Variants in MTUS1 observed in about 807,000 individuals in gnomAD.
MTUS1 encodes the protein microtubule associated scaffold protein 1.
MTUS1 carries 109 observed loss-of-function variants against 120.8 expected under a neutral mutation model. That is an observed-to-expected ratio of 0.90 (90% CI 0.77 to 1.06). The LOEUF is 1.06. MTUS1 is among the 50% of genes least tolerant of loss of function. The pLI is 0.00. For missense variants in MTUS1, 2,210 were observed against 1,486.3 expected (o/e 1.49, Z -8.01); for synonymous variants, 737 against 550.5 (o/e 1.34, Z -4.74).
chr8:17,748,263 A>G (rs2047920620), intron 2 of MTUS1: 1 of 152,262 alleles, frequency 6.6e-6, no homozygotes, highest in South Asian at 2.1e-4. Context: ...AGCCAAGTGT[A>G]GATGGCCAGA....
chr8:17,727,588 A>C (rs899667820), intron 3 of MTUS1, among the ~76,000 whole-genome samples: 3 of 152,228 alleles, frequency 2.0e-5, no homozygotes, highest in Admixed American at 1.3e-4. Context: ...TAGCAATATT[A>C]GGTTAATTGA....
At chr8:17,702,547 C>A (rs1819308848) in intron 6 of MTUS1, among the ~76,000 whole-genome samples, 1 of 152,144 alleles carries the variant, frequency 6.6e-6, no homozygotes, top group Non-Finnish European at 1.5e-5. Flanking sequence ...ACATCAAGTT[C>A]CCATTCCCTG....
intron 12 of MTUS1, among the ~76,000 whole-genome samples, chr8:17,651,406 T>G (rs1288060923): frequency 6.6e-6 from 1 of 152,162 alleles, no homozygotes; most frequent in Non-Finnish European, 1.5e-5. Flanking sequence ...ATACCCTGAC[T>G]TGGGCATTAC....
At chr8:17,789,968 C>T (rs1422236590) in intron 1 of MTUS1, among the ~76,000 whole-genome samples, 1 of 152,144 alleles carries the variant, frequency 6.6e-6, no homozygotes, top group Non-Finnish European at 1.5e-5. Flanking sequence ...CTTCAGTTTC[C>T]ATCTGGGATT....
intron 1 of MTUS1, among the ~76,000 whole-genome samples, chr8:17,782,595 G>C (rs1273755745): frequency 1.3e-5 from 2 of 152,186 alleles, no homozygotes; most frequent in African/African-American, 4.8e-5. Context: ...CAAAAATACA[G>C]AGAAAATACA....
intron 6 of MTUS1, among the ~76,000 whole-genome samples, chr8:17,702,613 G>A (rs976504089): frequency 9.2e-5 from 14 of 152,132 alleles, no homozygotes; most frequent in African/African-American, 3.1e-4. Context: ...CCTCCTATAA[G>A]TGGAATCATA....
At chr8:17,742,113 C>A (rs1393235863) in intron 3 of MTUS1, among the ~76,000 whole-genome samples, 1 of 151,982 alleles carries the variant, frequency 6.6e-6, no homozygotes, top group African/African-American at 2.4e-5. Flanking sequence ...CACCAAGGGA[C>A]AGGGTTTTGC....
intron 3 of MTUS1, among the ~76,000 whole-genome samples, chr8:17,725,070 T>G (rs557531753): frequency 1.1e-3 from 169 of 152,246 alleles, no homozygotes; most frequent in African/African-American, 3.8e-3. Flanking sequence ...AGCCCTATTT[T>G]TTATTTTTTT....
Position 17,755,893 on chromosome 8 carries a change from T to C in MTUS1, c.-86A>G. The C allele has an allele frequency of 6.6e-7, 1 of 1,507,234 alleles. No individual in the cohort carries two copies. Among genetic ancestry groups the C allele is most frequent in the Non-Finnish European group, 8.8e-7 (1 of 1,136,582 alleles). The allele number at this position is 1,507,234 out of a possible 1,614,324, so 93.4% of individuals were successfully genotyped here. A position where few individuals can be genotyped will look rare whatever the true frequency, so the allele number is the denominator to read the frequency against. On this transcript the variant is annotated 5_prime_UTR_variant, in exon 2 of 15. Transcript: ENST00000693296. ...AGGGTGGGCAAAATGGTCTGTCTTC[T>C]AGGTTTTTCAGCACAGTTGAAAGGT...
intron 1 of MTUS1, among the ~76,000 whole-genome samples, chr8:17,774,698 A>C (rs2050275874): frequency 6.6e-6 from 1 of 152,138 alleles, no homozygotes; most frequent in African/African-American, 2.4e-5. Context: ...CCAAGAGATA[A>C]ACATAGAATT....
chr8:17,759,067 G>C (rs533693694), intron 1 of MTUS1, among the ~76,000 whole-genome samples: 13 of 151,556 alleles, frequency 8.6e-5, no homozygotes, highest in Non-Finnish European at 1.9e-4. Flanking sequence ...ATTTTTAGTA[G>C]AGATGGTGTT....
At chr8:17,721,986 G>C (rs562819296) in intron 4 of MTUS1, 4 of 1,374,592 alleles carry the variant, frequency 2.9e-6, no homozygotes, top group African/African-American at 1.5e-5. Flanking sequence ...TAGTGAATTC[G>C]AATGGAGGGA....
chr8:17,784,638 G>A (rs1052356145), intron 1 of MTUS1, among the ~76,000 whole-genome samples: 2 of 152,108 alleles, frequency 1.3e-5, no homozygotes, highest in Non-Finnish European at 2.9e-5. Context: ...TTACGATTGA[G>A]TTCCAACTGG....
intron 6 of MTUS1, chr8:17,692,214 G>A (rs917319665): frequency 6.6e-6 from 1 of 152,182 alleles, no homozygotes; most frequent in Non-Finnish European, 1.5e-5. Flanking sequence ...GTGGGACAGA[G>A]ACTAGAGAAG....
intron 3 of MTUS1, among the ~76,000 whole-genome samples, chr8:17,728,785 G>T (rs535279536): frequency 6.6e-6 from 1 of 152,084 alleles, no homozygotes; most frequent in Non-Finnish European, 1.5e-5. Flanking sequence ...TGTGGGTTGG[G>T]GGGGTCGGGG....
intron 1 of MTUS1, among the ~76,000 whole-genome samples, chr8:17,763,427 C>A (rs2131391966): frequency 6.6e-6 from 1 of 152,296 alleles, no homozygotes. Context: ...GTTTCCATAC[C>A]ACTTCGGCTT....
At chr8:17,647,333 G>C (rs960431363) in intron 13 of MTUS1, 13 of 359,234 alleles carry the variant, frequency 3.6e-5, no homozygotes, top group African/African-American at 2.8e-4. Context: ...ATTTGTTCCA[G>C]GTCATGTTGT....
In MTUS1 at chr8:17,754,388, G is replaced by A; in HGVS notation, c.1420C>T (p.Leu474=). 6.2e-7 allele frequency: 1 copy of A among 1,614,134 alleles called. No homozygotes were observed. Among genetic ancestry groups the A allele is most frequent in the Non-Finnish European group, 8.5e-7 (1 of 1,180,018 alleles). The change falls in exon 2 of 15, where the codon CTG becomes TTG. Residue 474 remains leucine (L), a synonymous_variant. Coordinates refer to ENST00000693296, the MANE Select transcript of MTUS1 (RefSeq NM_001363059.2). The part of the protein sequence containing the change: ...IPDSKEAPVN[L]CKPSLGKSTI... Reference sequence around the variant, plus strand: ...GATTTTCCTAAACTGGGTTTACACAGGTTCACAGGTGCCTCCTTCGAGTCT... The same window carrying A: ...GATTTTCCTAAACTGGGTTTACACAAGTTCACAGGTGCCTCCTTCGAGTCT...
intron 3 of MTUS1, among the ~76,000 whole-genome samples, chr8:17,741,617 C>G (rs2047324245): frequency 6.6e-6 from 1 of 152,184 alleles, no homozygotes; most frequent in Non-Finnish European, 1.5e-5. Flanking sequence ...AGTAAAAGGA[C>G]TTAACAACTA....
Sources: allele counts gnomAD v4.1 joint callset (sites outside exome capture counted in the v4.1 genomes callset), GRCh38; gene constraint gnomAD v4.1.1; transcripts MANE v1.5; gene names NCBI Gene and HGNC (gene_info 2026-07-23, HGNC 2026-07-21).